The following MRPL9 variants were observed in gnomAD, a reference collection of about 807,000 sequenced individuals.
The protein encoded by MRPL9 is mitochondrial ribosomal protein L9, also known as large ribosomal subunit protein bL9m.
A neutral mutation model predicts 27.6 loss-of-function variants in MRPL9; 25 were observed. The observed-to-expected ratio is 0.91, with a 90% CI of 0.66 to 1.27. The LOEUF is 1.27. MRPL9 is among the 50% of genes most tolerant of loss of function. The probability of loss-of-function intolerance (pLI) is 0.00; values close to 1 mark genes in which losing one functional copy is unlikely to be tolerated. For missense variants in MRPL9, 362 were observed against 338.0 expected (o/e 1.07, Z -0.56); for synonymous variants, 154 against 139.0 (o/e 1.11, Z -0.76).
intron 1 of MRPL9, 80 bp from the exon 2 acceptor site, chr1:151,763,226 G>A (rs1648197245): frequency 6.5e-7 from 1 of 1,545,006 alleles, no homozygotes; most frequent in Non-Finnish European, 8.8e-7. Flanking sequence ...AGCCCCTCAA[G>A]GAAAGCCCGC....
At chr1:151,762,801 T>C (rs1408176749) in intron 2 of MRPL9, 189 bp downstream of exon 2, 1 of 779,936 alleles carries the variant, frequency 1.3e-6, no homozygotes, top group Non-Finnish European at 2.1e-6. Context: ...GCTGCCTTTA[T>C]GTTTTAATTT....
intron 3 of MRPL9, 105 bp downstream of exon 3, chr1:151,762,271 G>A: frequency 6.3e-7 from 1 of 1,577,828 alleles, no homozygotes; most frequent in Admixed American, 1.7e-5. Flanking sequence ...TGTTCTTCTA[G>A]TTCCTATTTC....
chr1:151,762,601 T>C, intron 2 of MRPL9, 101 bp from the exon 3 acceptor site: 4 of 1,253,304 alleles, frequency 3.2e-6, no homozygotes, highest in East Asian at 2.4e-5. Flanking sequence ...ACAGTGCTTA[T>C]TTTTCCTAAA....
At chr1:151,761,575 G>A in intron 4 of MRPL9, 23 bp from the exon 5 acceptor site, 3 of 1,548,346 alleles carry the variant, frequency 1.9e-6, no homozygotes, top group Non-Finnish European at 1.8e-6. Flanking sequence ...ATGAGTTTGA[G>A]TCAAAGGAGA....
Position 151,763,405 on chromosome 1 carries a change from G to A in MRPL9, c.75C>T (p.Gly25=), listed in dbSNP as rs762309095. 3.2e-6 allele frequency: 5 copies of A among 1,565,442 alleles called. 1 individual carries two copies. The South Asian group carries it at 3.5e-5, about 11-fold the overall frequency. The change falls in exon 1 of 7, where the codon GGC becomes GGT. Residue 25 remains glycine (G), a synonymous_variant. Coordinates refer to ENST00000368830, the MANE Select transcript of MRPL9 (RefSeq NM_031420.4). ...RAGAGRLLRG[G]VQELLRPRHE... is the part of the protein sequence containing the mutation. ...GTCGCGGCCGCAGTAGCTCCTGGAC[G>A]CCTCCCCGAAGCAGCCGTCCAGCGC...
intron 4 of MRPL9, 50 bp from the exon 5 acceptor site, chr1:151,761,602 C>A: frequency 2.1e-6 from 3 of 1,410,064 alleles, no homozygotes; most frequent in South Asian, 2.3e-5. Flanking sequence ...ATGTCAGGGT[C>A]ACAGGGTATG....
intron 5 of MRPL9, 103 bp from the exon 6 acceptor site, chr1:151,761,002 C>A: frequency 9.4e-7 from 1 of 1,061,468 alleles, no homozygotes; most frequent in Non-Finnish European, 1.3e-6. Flanking sequence ...GGATTCCCTG[C>A]ACAGGGATGA....
At position 151,760,853 on chromosome 1, in the gene MRPL9, G is replaced by A; in HGVS notation, c.635C>T (p.Pro212Leu). The change falls in exon 6 of 7, where the codon CCT becomes CTT. Residue 212 changes from proline (P) to leucine (L), a missense_variant. Coordinates refer to ENST00000368830, the MANE Select transcript of MRPL9 (RefSeq NM_031420.4). ...APHTLKLPEEPITRWGEYWCE... is the reference protein window; with the variant it reads ...APHTLKLPEELITRWGEYWCE... ...CCAATACTCGCCCCACCGTGTGATA[G>A]GCTCTTCTGGTAACTTTAATGTATG... The A allele has an allele frequency of 1.9e-6, 3 of 1,590,050 alleles. No individual in the cohort carries two copies. Among genetic ancestry groups the A allele is most frequent in the Non-Finnish European group, 2.6e-6 (3 of 1,173,328 alleles).
In MRPL9 at chr1:151,759,923, G is replaced by T; in HGVS notation, c.*127C>A. On this transcript the variant is annotated 3_prime_UTR_variant, in exon 7 of 7. Coordinates refer to ENST00000368830, the MANE Select transcript of MRPL9 (RefSeq NM_031420.4). ...GAATTCAACATGTATACGCAGTGCAGTCTGATGTCTTCAGATGTTCTCTAA... is the reference window on the plus strand; with the variant it reads ...GAATTCAACATGTATACGCAGTGCATTCTGATGTCTTCAGATGTTCTCTAA... 1 of 1,263,182 alleles carries T rather than the reference G, an allele frequency of 7.9e-7. No homozygotes were observed. Among genetic ancestry groups the T allele is most frequent in the Non-Finnish European group, 1.1e-6 (1 of 923,132 alleles). The allele number at this position is 1,263,182 out of a possible 1,614,324, so 78.2% of individuals were successfully genotyped here.
Position 151,763,425 on chromosome 1 carries a change from C to T in MRPL9, c.55G>A (p.Gly19Arg), listed in dbSNP as rs1194826975. ...PGRALLRAGAGRLLRGGVQEL... is the reference protein window; with the variant it reads ...PGRALLRAGARRLLRGGVQEL... ...TGGACGCCTCCCCGAAGCAGCCGTC[C>T]AGCGCCCGCCCGCAGCAGAGCTCTG... The change falls in exon 1 of 7, where the codon GGA (glycine) becomes AGA (arginine). Residue 19 changes from glycine (G) to arginine (R), a missense_variant. Coordinates refer to ENST00000368830, the MANE Select transcript of MRPL9 (RefSeq NM_031420.4). 6.4e-7 allele frequency: 1 copy of T among 1,565,784 alleles called. No individual in the cohort carries two copies. The highest frequency in any genetic ancestry group is 8.7e-7 in the Non-Finnish European group (1 of 1,155,126).
chr1:151,760,047 G>C lies in MRPL9; in HGVS notation c.*3C>G, dbSNP rs1361542913. Reference sequence around the variant, plus strand: ...GCTTTGCTGCCTTGGAGGGAGAGTAGATTTAGATCTGGGGGCTGGTGGGGG... The same window carrying C: ...GCTTTGCTGCCTTGGAGGGAGAGTACATTTAGATCTGGGGGCTGGTGGGGG... On this transcript the variant is annotated 3_prime_UTR_variant, in exon 7 of 7. Transcript: ENST00000368830. 3 of 1,613,488 alleles carry C rather than the reference G, an allele frequency of 1.9e-6. No individual in the cohort carries two copies. The highest frequency in any genetic ancestry group is 2.5e-6 in the Non-Finnish European group (3 of 1,179,714).
In MRPL9 at chr1:151,763,328, C is replaced by G. The variant is rs1648206135; in HGVS notation, c.152G>C (p.Arg51Pro). Residue 51 changes from arginine (R) to proline (P), a missense_variant and splice_region_variant, in exon 1 of 7, where the codon CGG becomes CCG. Arg to Pro is a moderately radical substitution (Grantham distance 103, BLOSUM62 -2). Coordinates refer to ENST00000368830, the MANE Select transcript of MRPL9 (RefSeq NM_031420.4). Reference sequence around the variant, plus strand: ...CCCTACCCCAGACTCAGCCCTCACCCGATTTTGAGAAAGGCTGAAGTTGCA... The same window carrying G: ...CCCTACCCCAGACTCAGCCCTCACCGGATTTTGAGAAAGGCTGAAGTTGCA... ...LACNFSLSQN[R>P]GTVIVERWWK... 2 of 1,594,706 alleles carry G rather than the reference C, an allele frequency of 1.3e-6. No individual in the cohort carries two copies. The highest frequency in any genetic ancestry group is 1.7e-6 in the Non-Finnish European group (2 of 1,169,538).
intron 5 of MRPL9, 89 bp from the exon 6 acceptor site, chr1:151,760,988 TA>T (rs1368555859): frequency 8.1e-7 from 1 of 1,229,082 alleles, no homozygotes; most frequent in African/African-American, 1.6e-5. Flanking sequence ...TAAAGAGGGT[TA>T]CAGGATTCCC....
In MRPL9 at chr1:151,762,445, T is replaced by C; in HGVS notation, c.366A>G (p.Arg122=). The change falls in exon 3 of 7, where the codon CGA becomes CGG. Residue 122 remains arginine, a synonymous_variant. Coordinates refer to ENST00000368830, the MANE Select transcript of MRPL9 (RefSeq NM_031420.4). The part of the protein sequence containing the change: ...VSVKKSLGRN[R]LLPQGLAVYA... ...ATACAGCCAGTCCCTGAGGAAGGAGTCGATTCCGGCCTAAAGATTTCTTCA... is the reference window on the plus strand; with the variant it reads ...ATACAGCCAGTCCCTGAGGAAGGAGCCGATTCCGGCCTAAAGATTTCTTCA... 6.2e-7 allele frequency: 1 copy of C among 1,613,280 alleles called. No homozygotes were observed. The highest frequency in any genetic ancestry group is 8.5e-7 in the Non-Finnish European group (1 of 1,179,798).
In MRPL9 at chr1:151,759,815, T is replaced by C. The variant is rs1647979244; in HGVS notation, c.*235A>G. On this transcript the variant is annotated 3_prime_UTR_variant, in exon 7 of 7. Coordinates refer to ENST00000368830, the MANE Select transcript of MRPL9 (RefSeq NM_031420.4). ...TTGGATGGTTTCGGTCTACTGCATCTAGCTTATCAAATCTACAGCCTGGTA... is the reference window on the plus strand; with the variant it reads ...TTGGATGGTTTCGGTCTACTGCATCCAGCTTATCAAATCTACAGCCTGGTA... 2.1e-6 allele frequency: 1 copy of C among 486,460 alleles called. No individual in the cohort carries two copies. Among genetic ancestry groups the C allele is most frequent in the Non-Finnish European group, 3.5e-6 (1 of 286,122 alleles). 30.1% of individuals were successfully genotyped at this position (486,460 alleles called of 1,614,324 possible).
At chr1:151,760,440 G>A (rs1206506659) in intron 6 of MRPL9, among the ~76,000 whole-genome samples, 2 of 151,928 alleles carry the variant, frequency 1.3e-5, no homozygotes, top group African/African-American at 2.4e-5. Flanking sequence ...AGCCAGGCAC[G>A]GTGGCGTGTG....
rs991967386 is a variant in MRPL9, at chr1:151,762,506, A to C, written c.311-6T>G. On this transcript the variant is annotated splice_polypyrimidine_tract_variant and splice_region_variant and intron_variant, in intron 2 of 6. Coordinates refer to ENST00000368830, the MANE Select transcript of MRPL9 (RefSeq NM_031420.4). ...GTCACCCCGGACTCCAACATCTGTC[A>C]ATTAGAACAGAGACAGGGGAATTAG... The C allele has an allele frequency of 1.9e-6, 3 of 1,613,782 alleles. No homozygotes were observed. The African/African-American group carries it at 4.0e-5, about 22-fold the overall frequency.
Position 151,762,672 on chromosome 1 carries a change from A to G in MRPL9, c.311-172T>C, listed in dbSNP as rs1648152612. 2.8e-5 allele frequency: 20 copies of G among 716,210 alleles called. No individual in the cohort carries two copies. In the East Asian group the frequency reaches 4.6e-4, roughly 17 times the overall value. The allele number at this position is 716,210 out of a possible 1,614,324, so 44.4% of individuals were successfully genotyped here. On this transcript the variant is annotated intron_variant, in intron 2 of 6. Transcript: ENST00000368830. ...TAAGAGACTGCTAATTAGTTTCTTT[A>G]GAACTTGATGTATAAATTTAATATC...
In MRPL9 at chr1:151,763,429, G is replaced by A. The variant is rs376955508; in HGVS notation, c.51C>T (p.Gly17=). ...TAPGRALLRA[G]AGRLLRGGVQ... Reference sequence around the variant, plus strand: ...CGCCTCCCCGAAGCAGCCGTCCAGCGCCCGCCCGCAGCAGAGCTCTGCCCG... The same window carrying A: ...CGCCTCCCCGAAGCAGCCGTCCAGCACCCGCCCGCAGCAGAGCTCTGCCCG... Residue 17 remains glycine (G), a synonymous_variant, in exon 1 of 7, where the codon GGC becomes GGT. Coordinates refer to ENST00000368830, the MANE Select transcript of MRPL9 (RefSeq NM_031420.4). 1.7e-4 allele frequency: 272 copies of A among 1,566,438 alleles called. No individual in the cohort carries two copies. The highest frequency in any genetic ancestry group is 2.2e-4 in the Non-Finnish European group (252 of 1,155,596).
Sources: gnomAD v4.1 joint callset for allele counts (sites outside exome capture counted in the v4.1 genomes callset) on GRCh38, gnomAD v4.1.1 for gene constraint, MANE v1.5 for transcripts, NCBI Gene and HGNC (gene_info 2026-07-23, HGNC 2026-07-21) for gene names.